The following FHIP2A variants were observed in gnomAD, a reference collection of about 807,000 sequenced individuals.
The protein encoded by FHIP2A is FHF complex subunit HOOK interacting protein 2A, also known as family with sequence similarity 160 member B1.
Under a neutral mutation model 93.5 loss-of-function variants are expected in FHIP2A, and 46 were observed. The ratio of observed to expected loss-of-function variants is 0.49; its 90% CI spans 0.39 to 0.63. The LOEUF (loss-of-function observed/expected upper bound fraction) is 0.63, where lower values mean the gene tolerates loss of function less well. Ranked by LOEUF, FHIP2A falls within the 20% of genes least tolerant of loss-of-function variation. The pLI, the probability that FHIP2A is intolerant of heterozygous loss-of-function variation, is 0.00. For synonymous variants in FHIP2A, 332 were observed against 326.5 expected (o/e 1.02, Z -0.18); for missense variants, 769 against 909.7 (o/e 0.85, Z 1.99).
intron 13 of FHIP2A, among the ~76,000 whole-genome samples, chr10:114,851,607 A>G (rs1195897095): frequency 6.6e-6 from 1 of 151,182 alleles, no homozygotes; most frequent in Non-Finnish European, 1.5e-5. Flanking sequence ...AAGTTTTGAA[A>G]TTGAGAAATA....
At position 114,863,935 on chromosome 10, in the gene FHIP2A, T is replaced by C; in HGVS notation, c.*2395T>C. On this transcript the variant is annotated 3_prime_UTR_variant, in exon 17 of 17. Coordinates refer to ENST00000369248, the MANE Select transcript of FHIP2A (RefSeq NM_020940.4). ...AACAATATAGTCTTTGGATTTGTTT[T>C]TAGTTATGAGCCGCATTCTTTACTT... 7 of 1,068,174 alleles carry C rather than the reference T, an allele frequency of 6.6e-6. No homozygotes were observed. Among genetic ancestry groups the C allele is most frequent in the Non-Finnish European group, 8.0e-6 (7 of 878,896 alleles). The allele number at this position is 1,068,174 out of a possible 1,614,324, so 66.2% of individuals were successfully genotyped here.
chr10:114,899,113 G>A (rs1415705725), intron 16 of FHIP2A, among the ~76,000 whole-genome samples: 1 of 152,220 alleles, frequency 6.6e-6, no homozygotes, highest in African/African-American at 2.4e-5. Flanking sequence ...GTGGGGTGCA[G>A]CTTCACGGGT....
At chr10:114,825,961 G>A (rs2083573157) in intron 1 of FHIP2A, among the ~76,000 whole-genome samples, 1 of 152,240 alleles carries the variant, frequency 6.6e-6, no homozygotes, top group African/African-American at 2.4e-5. Context: ...CAGAATGTAA[G>A]TGCAATGTTT....
intron 1 of FHIP2A, among the ~76,000 whole-genome samples, chr10:114,830,270 C>CTTTTTTT (rs5788083): frequency 1.4e-4 from 15 of 105,450 alleles, no homozygotes; most frequent in African/African-American, 5.3e-4. Flanking sequence ...CTGAAACCTA[C>CTTTTTTT]TTTTTTTTTT....
At chr10:114,831,022 GTTATT>G (rs1453800005) in intron 2 of FHIP2A, 92 bp downstream of exon 2, 1 of 672,828 alleles carries the variant, frequency 1.5e-6, no homozygotes, top group Non-Finnish European at 2.5e-6. Context: ...AGTCTCCAAA[GTTATT>G]TTATATTTAA....
chr10:114,891,782 A>C (rs1278443011), intron 16 of FHIP2A, among the ~76,000 whole-genome samples: 1 of 151,902 alleles, frequency 6.6e-6, no homozygotes, highest in African/African-American at 2.4e-5. Context: ...ATGCCGGGCC[A>C]ATTTTATATA....
At position 114,890,081 on chromosome 10, in the gene FHIP2A, G is replaced by A. The variant is rs191635001; in HGVS notation, c.2193-9409G>A. ...TTCACTCTGTTGCCCAGGCTGGCGT[G>A]CAGTGGCATGATCTCAACTCACTGC... is the stretch of plus-strand genomic sequence containing the variant. On this transcript the variant is annotated intron_variant, in intron 16 of 16. Coordinates refer to the FHIP2A transcript ENST00000369250. 2.0e-5 allele frequency among the ~76,000 whole-genome samples: 3 copies of A among 152,080 alleles called. No homozygotes were observed. In the East Asian group the frequency reaches 5.8e-4, roughly 29 times the overall value.
In FHIP2A at chr10:114,864,270, G is replaced by T. The variant is rs2083817297; in HGVS notation, c.*2730G>T. The stretch of plus-strand genomic sequence containing the variant: ...TAAATTATTGCATTAACATACAATT[G>T]CCATTTAATTATGAAGTCCATCAGT... On this transcript the variant is annotated 3_prime_UTR_variant, in exon 17 of 17. Transcript: ENST00000369248. The T allele has an allele frequency of 1.0e-6, 1 of 982,540 alleles. No individual in the cohort carries two copies. The highest frequency in any genetic ancestry group is 1.8e-5 in the African/African-American group (1 of 57,126). The allele number at this position is 982,540 out of a possible 1,614,324, so 60.9% of individuals were successfully genotyped here.
At position 114,862,229 on chromosome 10, in the gene FHIP2A, A is replaced by C. The variant is rs1278425350; in HGVS notation, c.*689A>C. 1 of 983,692 alleles carries C rather than the reference A, an allele frequency of 1.0e-6. No homozygotes were observed. The highest frequency in any genetic ancestry group is 1.2e-6 in the Non-Finnish European group (1 of 828,218). The allele number at this position is 983,692 out of a possible 1,614,324, so 60.9% of individuals were successfully genotyped here. The stretch of plus-strand genomic sequence containing the variant: ...CATAGCCATGTTAGTGATTTTCTTC[A>C]TGTGTGGGTCCCAGTTTATTTAAAC... On this transcript the variant is annotated 3_prime_UTR_variant, in exon 17 of 17. Transcript: ENST00000369248.
At chr10:114,822,411 C>T (rs2083536010) in intron 1 of FHIP2A, among the ~76,000 whole-genome samples, 1 of 152,074 alleles carries the variant, frequency 6.6e-6, no homozygotes, top group African/African-American at 2.4e-5. Context: ...ACCTGGCCGC[C>T]CAACGCCGCT....
At chr10:114,838,782 T>C (rs907534771) in intron 5 of FHIP2A, among the ~76,000 whole-genome samples, 2 of 152,220 alleles carry the variant, frequency 1.3e-5, no homozygotes, top group East Asian at 3.8e-4. Context: ...GAAAAACATT[T>C]ACATTTAAAC....
At chr10:114,831,347 A>G (rs746013613) in intron 2 of FHIP2A, among the ~76,000 whole-genome samples, 1 of 152,228 alleles carries the variant, frequency 6.6e-6, no homozygotes, top group Non-Finnish European at 1.5e-5. Flanking sequence ...TCATTGCCCA[A>G]TATGACTTGT....
downstream of FHIP2A, among the ~76,000 whole-genome samples, chr10:114,867,897 T>C (rs1242033467): frequency 6.6e-6 from 1 of 152,014 alleles, no homozygotes; most frequent in African/African-American, 2.4e-5. Flanking sequence ...TTACCTGATT[T>C]CCCAAGTATG....
chr10:114,858,740 G>A (rs937543963), intron 14 of FHIP2A, among the ~76,000 whole-genome samples: 1 of 152,090 alleles, frequency 6.6e-6, no homozygotes, highest in Non-Finnish European at 1.5e-5. Flanking sequence ...GAGGAGGAAT[G>A]GAGAGAAGTT....
At chr10:114,876,935 A>G (rs536709180) in intron 16 of FHIP2A, among the ~76,000 whole-genome samples, 8 of 152,262 alleles carry the variant, frequency 5.3e-5, no homozygotes, top group Non-Finnish European at 8.8e-5. Flanking sequence ...TGACATGTTT[A>G]TTTATTTTTT....
intron 13 of FHIP2A, among the ~76,000 whole-genome samples, chr10:114,851,833 C>T (rs1470749255): frequency 2.0e-5 from 3 of 151,636 alleles, no homozygotes; most frequent in Non-Finnish European, 2.9e-5. Context: ...TCATGAACAC[C>T]GGATGTTTTT....
chr10:114,882,240 G>A (rs749649), intron 16 of FHIP2A, among the ~76,000 whole-genome samples: 39,299 of 152,116 alleles, frequency 0.26, 5,777 homozygotes, highest in Non-Finnish European at 0.35. Context: ...ACCTCTCAGC[G>A]AAGAATGAGG....
Position 114,862,003 on chromosome 10 carries a change from TC to T in FHIP2A, c.*464del, listed in dbSNP as rs1357652883. The T allele has an allele frequency of 1.7e-5, 17 of 973,674 alleles. No individual in the cohort carries two copies. The highest frequency in any genetic ancestry group is 2.0e-5 in the Non-Finnish European group (16 of 818,992). The allele number at this position is 973,674 out of a possible 1,614,324, so 60.3% of individuals were successfully genotyped here. ...TAACTTTTTAAGGTCAGAATTCTTA[TC>T]AAACAAAATATGAAAACTGTAAATG... On this transcript the variant is annotated 3_prime_UTR_variant, in exon 17 of 17. Transcript: ENST00000369248.
rs2083813584 is a variant in FHIP2A at position 114,863,653 on chromosome 10, G to T, written c.*2113G>T. ...TCTTTTTTCTTTTATATTTAGTTCAGACCTAGAGCCAGTAGAAGCTCTCAC... is the reference window on the plus strand; with the variant it reads ...TCTTTTTTCTTTTATATTTAGTTCATACCTAGAGCCAGTAGAAGCTCTCAC... On this transcript the variant is annotated 3_prime_UTR_variant, in exon 17 of 17. Transcript: ENST00000369248. 7.7e-7 allele frequency: 1 copy of T among 1,299,654 alleles called. No homozygotes were observed. The highest frequency in any genetic ancestry group is 1.0e-6 in the Non-Finnish European group (1 of 987,414). The allele number at this position is 1,299,654 out of a possible 1,614,324, so 80.5% of individuals were successfully genotyped here. A position where few individuals can be genotyped will look rare whatever the true frequency, so the allele number is the denominator to read the frequency against.
Sources: allele counts gnomAD v4.1 joint callset (sites outside exome capture counted in the v4.1 genomes callset), GRCh38; gene constraint gnomAD v4.1.1; transcripts MANE v1.5; gene names NCBI Gene and HGNC (gene_info 2026-07-23, HGNC 2026-07-21).